WWOX: variants seen among roughly 807,000 people sequenced by gnomAD.
The protein encoded by WWOX is WW domain containing oxidoreductase, also known as WW domain-containing oxidoreductase.
Under a neutral mutation model 46.2 loss-of-function variants are expected in WWOX, and 69 were observed. The observed-to-expected ratio is 1.49, with a 90% confidence interval of 1.23 to 1.82. WWOX has a LOEUF of 1.82. Ranked by LOEUF, WWOX falls within the 40% of genes most tolerant of loss-of-function variation. The pLI is 0.00. For synonymous variants in WWOX, 359 were observed against 202.6 expected, an observed-to-expected ratio of 1.77 and a Z score of -6.56; for missense variants, 919 against 542.6, an observed-to-expected ratio of 1.69 and a Z score of -6.89.
At chr16:78,746,433 G>A (rs976407788) in intron 8 of WWOX, among the ~76,000 whole-genome samples, 2 of 152,114 alleles carry the variant, frequency 1.3e-5, no homozygotes, top group African/African-American at 2.4e-5. Context: ...AGGAGTTTAA[G>A]GCTGCAGTGA....
At chr16:78,225,660 A>T (rs2037029795) in intron 5 of WWOX, among the ~76,000 whole-genome samples, 1 of 152,160 alleles carries the variant, frequency 6.6e-6, no homozygotes, top group South Asian at 2.1e-4. Context: ...TTTTCTCCAG[A>T]TGAGTAGTTC....
chr16:79,207,038 C>A (rs1459625378), intron 8 of WWOX, among the ~76,000 whole-genome samples: 1 of 152,112 alleles, frequency 6.6e-6, no homozygotes. Flanking sequence ...GACCTCTGCA[C>A]TGTTCTGGGA....
rs950622842 is a variant in WWOX, at chr16:78,617,182, C to G, written c.1056+184430C>G. Among the ~76,000 whole-genome samples, 3 of 152,070 alleles carry G rather than the reference C, an allele frequency of 2.0e-5. No homozygotes were observed. In the South Asian group the frequency reaches 6.2e-4, roughly 31 times the overall value. The stretch of plus-strand genomic sequence containing the variant: ...ATCCCAGCACTTTGGGAGGCTGAGG[C>G]AGGTGGATCACTTGAGCCCCGGAGT... On this transcript the variant is annotated intron_variant, in intron 8 of 8. Transcript: ENST00000566780.
intron 8 of WWOX, chr16:79,206,821 A>G (rs1158749437): frequency 6.6e-6 from 1 of 151,298 alleles, no homozygotes; most frequent in African/African-American, 2.4e-5. Flanking sequence ...GAGGCCTATG[A>G]GCCTCATTCC....
chr16:78,779,284 A>G (rs1477409), intron 8 of WWOX, among the ~76,000 whole-genome samples: 48,430 of 151,976 alleles, frequency 0.32, 8,161 homozygotes, highest in South Asian at 0.38. Flanking sequence ...AGCTGGGACT[A>G]CAGGTGCATG....
intron 8 of WWOX, among the ~76,000 whole-genome samples, chr16:78,705,809 G>A (rs1179995022): frequency 6.6e-6 from 1 of 152,044 alleles, no homozygotes; most frequent in African/African-American, 2.4e-5. Context: ...GAAAAAACAA[G>A]AATAAAACAA....
In WWOX at chr16:78,645,523, C is replaced by G. The variant is rs577093715; in HGVS notation, c.1056+212771C>G. Among the ~76,000 whole-genome samples the G allele has an allele frequency of 3.1e-3, 472 of 152,204 alleles. 3 individuals carry two copies. The highest frequency in any genetic ancestry group is 0.011 in the African/African-American group (460 of 41,526). On this transcript the variant is annotated intron_variant, in intron 8 of 8. Coordinates refer to ENST00000566780, the MANE Select transcript of WWOX (RefSeq NM_016373.4). ...CAAGAAGCATGGTGCCAATGTATTT[C>G]TGATGAGGGCGTCAGGCAGCTTCTA...
At chr16:79,198,550 A>G (rs988004984) in intron 8 of WWOX, among the ~76,000 whole-genome samples, 2 of 152,176 alleles carry the variant, frequency 1.3e-5, no homozygotes, top group Non-Finnish European at 2.9e-5. Flanking sequence ...GAGCAACCTA[A>G]CTAGAGACAT....
chr16:78,594,429 G>GCCCCCCCCCCCCCCCCCC (rs138806967), intron 8 of WWOX, among the ~76,000 whole-genome samples: 12 of 32,380 alleles, frequency 3.7e-4, no homozygotes, highest in East Asian at 1.1e-3. Context: ...CTGAGGAAAG[G>GCCCCCCCCCCCCCCCCCC]CCCCCCCCCC....
At chr16:78,565,984 C>G (rs943031539) in intron 8 of WWOX, among the ~76,000 whole-genome samples, 2 of 148,910 alleles carry the variant, frequency 1.3e-5, no homozygotes, top group Admixed American at 1.4e-4. Context: ...AACATAATAC[C>G]ATAGACTGGG....
intron 8 of WWOX, among the ~76,000 whole-genome samples, chr16:79,207,413 A>C (rs749687026): frequency 6.6e-6 from 1 of 152,232 alleles, no homozygotes; most frequent in Non-Finnish European, 1.5e-5. Flanking sequence ...TGCCGTCTTC[A>C]AAAGGGCTGT....
Position 79,212,190 on chromosome 16 carries a change from C to G in WWOX, c.*394C>G. On this transcript the variant is annotated 3_prime_UTR_variant, in exon 9 of 9. Transcript: ENST00000566780. Reference sequence around the variant, plus strand: ...GGCCACCACTGCAGCCGGGGGCTGGCCTTCTCCTACTTAGGGAAGAAAAAG... The same window carrying G: ...GGCCACCACTGCAGCCGGGGGCTGGGCTTCTCCTACTTAGGGAAGAAAAAG... 1 of 1,465,190 alleles carries G rather than the reference C, an allele frequency of 6.8e-7. No homozygotes were observed. The highest frequency in any genetic ancestry group is 9.0e-7 in the Non-Finnish European group (1 of 1,115,990). 90.8% of individuals were successfully genotyped at this position (1,465,190 alleles called of 1,614,324 possible).
At chr16:78,487,292 G>C (rs2151456390) in intron 8 of WWOX, among the ~76,000 whole-genome samples, 1 of 152,060 alleles carries the variant, frequency 6.6e-6, no homozygotes, top group Middle Eastern at 3.4e-3. Context: ...GACTAAAGCA[G>C]AGATTTGGTT....
chr16:79,051,393 C>A (rs977156949), intron 8 of WWOX, among the ~76,000 whole-genome samples: 1 of 152,182 alleles, frequency 6.6e-6, no homozygotes, highest in East Asian at 1.9e-4. Context: ...CGCTGTCCTC[C>A]AAGTGGTAAT....
intron 8 of WWOX, among the ~76,000 whole-genome samples, chr16:78,841,374 C>A (rs574457352): frequency 6.6e-6 from 1 of 152,144 alleles, no homozygotes; most frequent in Admixed American, 6.5e-5. Flanking sequence ...ATGCCCTTAG[C>A]GAGCAGCTCA....
At chr16:78,626,749 A>C (rs998948219) in intron 8 of WWOX, among the ~76,000 whole-genome samples, 1 of 152,104 alleles carries the variant, frequency 6.6e-6, no homozygotes, top group Non-Finnish European at 1.5e-5. Flanking sequence ...TGCATAAACT[A>C]CTTGGAATTC....
At chr16:78,931,969 C>G (rs1033685982) in intron 8 of WWOX, among the ~76,000 whole-genome samples, 1 of 152,238 alleles carries the variant, frequency 6.6e-6, no homozygotes, top group Admixed American at 6.5e-5. Flanking sequence ...TTCCCCTGCA[C>G]AAACTCTCTT....
At chr16:78,383,989 A>G (rs1467216352) in intron 5 of WWOX, among the ~76,000 whole-genome samples, 1 of 152,212 alleles carries the variant, frequency 6.6e-6, no homozygotes, top group Non-Finnish European at 1.5e-5. Context: ...GGGAACCAAA[A>G]GAAAACTTAG....
chr16:79,024,857 A>G (rs1175512493), intron 8 of WWOX, among the ~76,000 whole-genome samples: 2 of 152,162 alleles, frequency 1.3e-5, no homozygotes, highest in African/African-American at 2.4e-5. Flanking sequence ...GGCGTGAGCC[A>G]CCACACCTGG....
Sources: gnomAD v4.1 joint callset for allele counts (sites outside exome capture counted in the v4.1 genomes callset) on GRCh38, gnomAD v4.1.1 for gene constraint, MANE v1.5 for transcripts, NCBI Gene and HGNC (gene_info 2026-07-23, HGNC 2026-07-21) for gene names.